The following ATF7IP2 variants were observed in gnomAD, a reference collection of about 807,000 sequenced individuals.
The protein encoded by ATF7IP2 is activating transcription factor 7-interacting protein 2.
Under a neutral mutation model 64.2 loss-of-function variants are expected in ATF7IP2, and 42 were observed. The ratio of observed to expected loss-of-function variants is 0.65; its 90% CI spans 0.51 to 0.85. The LOEUF is 0.85. Ranked by LOEUF, ATF7IP2 falls within the 40% of genes least tolerant of loss-of-function variation. ATF7IP2 has a pLI of 0.00. For synonymous variants in ATF7IP2, 308 were observed against 272.8 expected, an observed-to-expected ratio of 1.13 and a Z score of -1.27; for missense variants, 933 against 784.2, an observed-to-expected ratio of 1.19 and a Z score of -2.27.
At chr16:10,452,530 G>T (rs1165879358) in intron 8 of ATF7IP2, among the ~76,000 whole-genome samples, 1 of 152,202 alleles carries the variant, frequency 6.6e-6, no homozygotes, top group East Asian at 1.9e-4. Flanking sequence ...CTTGTATGAG[G>T]TGTCTGTTGG....
At chr16:10,394,107 T>A (rs918490311) in intron 1 of ATF7IP2, among the ~76,000 whole-genome samples, 1 of 152,200 alleles carries the variant, frequency 6.6e-6, no homozygotes, top group African/African-American at 2.4e-5. Context: ...ATTTTCATAC[T>A]GAAGGGAAAA....
chr16:10,435,546 T>A (rs2048393611), intron 6 of ATF7IP2, among the ~76,000 whole-genome samples: 1 of 152,208 alleles, frequency 6.6e-6, no homozygotes, highest in African/African-American at 2.4e-5. Flanking sequence ...CTTCCTTTTG[T>A]ATAAGGAACA....
At chr16:10,410,311 AGTTTTGTTTTGTTTT>A (rs71133350) in intron 1 of ATF7IP2, among the ~76,000 whole-genome samples, 17,929 of 150,156 alleles carry the variant, frequency 0.12, 1,504 homozygotes, top group African/African-American at 0.24. Context: ...TATATTCCTA[AGTTTTGTTTTGTTTT>A]GTTTTGTTTT....
chr16:10,460,570 T>C (rs1011782323), intron 9 of ATF7IP2, among the ~76,000 whole-genome samples: 1 of 152,174 alleles, frequency 6.6e-6, no homozygotes, highest in Non-Finnish European at 1.5e-5. Flanking sequence ...GTATATGTGA[T>C]ATGTGATGGA....
intron 6 of ATF7IP2, among the ~76,000 whole-genome samples, chr16:10,436,289 T>C (rs2048416074): frequency 6.6e-6 from 1 of 151,996 alleles, no homozygotes; most frequent in Non-Finnish European, 1.5e-5. Flanking sequence ...TTAAACATGG[T>C]GGGTGAAGAT....
At chr16:10,475,180 G>GTATA (rs2049958000) in intron 12 of ATF7IP2, among the ~76,000 whole-genome samples, 1 of 152,210 alleles carries the variant, frequency 6.6e-6, no homozygotes, top group Non-Finnish European at 1.5e-5. Context: ...ATTGTAGAAT[G>GTATA]TATATAGAAG....
chr16:10,417,614 C>G (rs187242041), intron 2 of ATF7IP2, among the ~76,000 whole-genome samples: 12 of 152,166 alleles, frequency 7.9e-5, no homozygotes, highest in African/African-American at 2.9e-4. Context: ...AGATAGATAG[C>G]TGAACAATAA....
In ATF7IP2 at chr16:10,430,788, T is replaced by C. The variant is rs564331790; in HGVS notation, c.168T>C (p.Ser56=). 1.3e-6 allele frequency: 2 copies of C among 1,562,730 alleles called. No individual in the cohort carries two copies. Among genetic ancestry groups the C allele is most frequent in the Admixed American group, 3.6e-5 (2 of 54,860 alleles). ...GCGGTAATCAGAGTTTCAGTCCTAG[T>C]GTCATAACTAGGACGACTGAAATAA... ...VPSGNQSFSP[S]VITRTTEITK... The change falls in exon 5 of 14, where the codon AGT becomes AGC. Residue 56 remains serine (S), a synonymous_variant. Transcript: ENST00000562102.
chr16:10,406,141 T>C (rs1392329797), intron 1 of ATF7IP2, among the ~76,000 whole-genome samples: 3 of 152,122 alleles, frequency 2.0e-5, no homozygotes, highest in Non-Finnish European at 4.4e-5. Context: ...TATTTTACTC[T>C]GTCACTCAGG....
chr16:10,405,630 A>G (rs954797953), intron 1 of ATF7IP2, among the ~76,000 whole-genome samples: 3 of 152,184 alleles, frequency 2.0e-5, no homozygotes, highest in African/African-American at 7.2e-5. Context: ...CCTGCCGGAC[A>G]AAAAGGCCAA....
At chr16:10,451,869 T>C (rs987195131) in intron 8 of ATF7IP2, among the ~76,000 whole-genome samples, 6 of 151,780 alleles carry the variant, frequency 4.0e-5, no homozygotes, top group African/African-American at 1.5e-4. Context: ...CTAGCCAACA[T>C]AGTGAAACCC....
intron 8 of ATF7IP2, among the ~76,000 whole-genome samples, chr16:10,452,660 C>T (rs2049023814): frequency 6.6e-6 from 1 of 152,232 alleles, no homozygotes; most frequent in Non-Finnish European, 1.5e-5. Flanking sequence ...ATCTGCTGCT[C>T]TCTTCAGAGT....
At chr16:10,451,247 ATTT>A (rs1244642187) in intron 8 of ATF7IP2, among the ~76,000 whole-genome samples, 1 of 151,798 alleles carries the variant, frequency 6.6e-6, no homozygotes, top group Non-Finnish European at 1.5e-5. Context: ...TGCCCTTAAC[ATTT>A]TTTCTTTCAT....
At chr16:10,458,072 G>A (rs1206399273) in intron 9 of ATF7IP2, among the ~76,000 whole-genome samples, 1 of 152,170 alleles carries the variant, frequency 6.6e-6, no homozygotes, top group Non-Finnish European at 1.5e-5. Context: ...ATTAAATGAT[G>A]GCCATTGTTT....
chr16:10,453,356 G>A (rs903898976), intron 8 of ATF7IP2, among the ~76,000 whole-genome samples: 4 of 152,100 alleles, frequency 2.6e-5, no homozygotes, highest in Non-Finnish European at 4.4e-5. Context: ...TCCTTGACCC[G>A]TTGTGCTTCC....
chr16:10,398,401 CATT>C (rs977022592), intron 1 of ATF7IP2, among the ~76,000 whole-genome samples: 6 of 151,924 alleles, frequency 3.9e-5, no homozygotes, highest in Non-Finnish European at 8.8e-5. Flanking sequence ...TTAGTATAGC[CATT>C]ATTTTTTAGA....
intron 1 of ATF7IP2, among the ~76,000 whole-genome samples, chr16:10,413,354 T>C (rs2141821519): frequency 6.6e-6 from 1 of 152,308 alleles, no homozygotes; most frequent in South Asian, 2.1e-4. Flanking sequence ...GTTTCCGCTT[T>C]TGCTGCTTCC....
At chr16:10,481,788 G>T (rs767108344) in intron 13 of ATF7IP2, 48 bp from the exon 14 acceptor site, 35 of 1,417,318 alleles carry the variant, frequency 2.5e-5, no homozygotes, top group Non-Finnish European at 3.2e-5. Flanking sequence ...TTCTACAACT[G>T]CAATTGACCA....
At chr16:10,439,899 C>T (rs528349355) in intron 7 of ATF7IP2, among the ~76,000 whole-genome samples, 173 of 151,858 alleles carry the variant, frequency 1.1e-3, no homozygotes, top group Non-Finnish European at 2.1e-3. Flanking sequence ...CACGGTGGCT[C>T]ACGCCTGTAA....
Sources: gnomAD v4.1 joint callset for allele counts (sites outside exome capture counted in the v4.1 genomes callset) on GRCh38, gnomAD v4.1.1 for gene constraint, MANE v1.5 for transcripts, NCBI Gene and HGNC (gene_info 2026-07-23, HGNC 2026-07-21) for gene names.